The following HEATR4 variants were observed in gnomAD, a reference collection of about 807,000 sequenced individuals.
HEATR4 encodes HEAT repeat-containing protein 4.
In HEATR4, 95 loss-of-function variants were observed where a neutral mutation model predicts 108.8. That is an observed-to-expected ratio of 0.87 (90% confidence interval 0.74 to 1.04). HEATR4 has a LOEUF of 1.04. Among genes scored for constraint, HEATR4 ranks in the 50% least tolerant of loss-of-function variants. The probability of loss-of-function intolerance (pLI) is 0.00; values close to 1 mark genes in which losing one functional copy is unlikely to be tolerated. For missense variants in HEATR4, 1,152 were observed against 1,253.8 expected (o/e 0.92, Z 1.23); for synonymous variants, 443 against 459.4 (o/e 0.96, Z 0.46).
chr14:73,520,945 G>T lies in HEATR4; in HGVS notation c.976C>A (p.Pro326Thr). 6.2e-7 allele frequency: 1 copy of T among 1,613,988 alleles called. No homozygotes were observed. Residue 326 changes from proline to threonine, a missense_variant, in exon 4 of 18, where the codon CCC becomes ACC. By Grantham distance (38) the Pro-to-Thr change is conservative (BLOSUM62 -1). Transcript: ENST00000553558. Reference sequence around the variant, plus strand: ...TGGCGAAAGTAGCTCTGGGTTTGGGGCTGGGAGAGGCTCGTCTTTTCATGG... The same window carrying T: ...TGGCGAAAGTAGCTCTGGGTTTGGGTCTGGGAGAGGCTCGTCTTTTCATGG... ...DIHEKTSLSQ[P>T]QTQSYFRQVT...
chr14:73,525,776 A>C (rs1294043495), intron 2 of HEATR4, among the ~76,000 whole-genome samples: 1 of 152,086 alleles, frequency 6.6e-6, no homozygotes, highest in Non-Finnish European at 1.5e-5. Flanking sequence ...AACATGGAGA[A>C]ACCCCATCTC....
chr14:73,518,981 C>A, intron 5 of HEATR4, 42 bp downstream of exon 5: 1 of 1,575,448 alleles, frequency 6.3e-7, no homozygotes, highest in Non-Finnish European at 8.6e-7. Flanking sequence ...TAGCCACATT[C>A]CCGTTATTAA....
At chr14:73,489,093 G>A (rs1885563717) in intron 17 of HEATR4, among the ~76,000 whole-genome samples, 1 of 150,034 alleles carries the variant, frequency 6.7e-6, no homozygotes, top group Admixed American at 6.6e-5. Flanking sequence ...TAATAAACCA[G>A]GATTTGTCTG....
intron 1 of HEATR4, among the ~76,000 whole-genome samples, chr14:73,533,881 TAAA>T (rs59844752): frequency 4.0e-4 from 15 of 37,964 alleles, no homozygotes; most frequent in Non-Finnish European, 6.0e-4. Flanking sequence ...ACCCTGTCTC[TAAA>T]AAAAAAAAAA....
the HEATR4 span, chr14:73,592,185 G>T: frequency 6.2e-7 from 1 of 1,607,884 alleles, no homozygotes. Flanking sequence ...CGCGGGACTC[G>T]AGCCCATGGG....
At chr14:73,628,821 G>C in the HEATR4 span, among the ~76,000 whole-genome samples, 3 of 152,016 alleles carry the variant, frequency 2.0e-5, no homozygotes, top group Non-Finnish European at 1.5e-5. Context: ...GGAAGCCGAG[G>C]CTGGTGGATG....
the HEATR4 span, among the ~76,000 whole-genome samples, chr14:73,576,793 C>CACAAA: frequency 8.3e-5 from 1 of 12,096 alleles, no homozygotes; most frequent in Non-Finnish European, 1.8e-4. Context: ...GACACAGTCT[C>CACAAA]AAAAAAAAAA....
intron 2 of HEATR4, among the ~76,000 whole-genome samples, chr14:73,525,037 G>A (rs750731227): frequency 5.9e-5 from 9 of 151,528 alleles, no homozygotes; most frequent in Non-Finnish European, 1.2e-4. Context: ...CTTTTGTTTT[G>A]TTTTTTTGAG....
chr14:73,626,789 C>G, the HEATR4 span, among the ~76,000 whole-genome samples: 1 of 82,356 alleles, frequency 1.2e-5, no homozygotes, highest in African/African-American at 6.2e-5. Flanking sequence ...GACAAACAGC[C>G]TTTTTTTTTT....
chr14:73,509,838 A>T (rs1452406698), intron 7 of HEATR4, among the ~76,000 whole-genome samples: 1 of 66,482 alleles, frequency 1.5e-5, no homozygotes, highest in Non-Finnish European at 3.1e-5. Flanking sequence ...ATATATATAT[A>T]TATATATATA....
chr14:73,603,055 A>G, the HEATR4 span, among the ~76,000 whole-genome samples: 4 of 149,706 alleles, frequency 2.7e-5, no homozygotes, highest in African/African-American at 9.7e-5. Flanking sequence ...TCTTAATTGT[A>G]TGTTACAATG....
At position 73,524,310 on chromosome 14, in the gene HEATR4, A is replaced by AAAAAT; in HGVS notation, c.-72-1087_-72-1086insATTTT. Among the ~76,000 whole-genome samples the AAAAAT allele has an allele frequency of 2.2e-3, 122 of 54,778 alleles. 1 individual carries two copies. Among genetic ancestry groups the AAAAAT allele is most frequent in the African/African-American group, 7.0e-3 (79 of 11,344 alleles). 35.9% of individuals were successfully genotyped at this position (54,778 alleles called of 152,430 possible). A position where few individuals can be genotyped will look rare whatever the true frequency, so the allele number is the denominator to read the frequency against. On this transcript the variant is annotated intron_variant, in intron 2 of 17. Transcript: ENST00000553558. ...CTCCGTCTCAAAAAAAAAAAAAAAA[A>AAAAAT]ATATATATATATATATATATATATA...
At chr14:73,621,170 G>A in the HEATR4 span, among the ~76,000 whole-genome samples, 2 of 152,024 alleles carry the variant, frequency 1.3e-5, no homozygotes, top group African/African-American at 4.8e-5. Context: ...CCGAGATCGC[G>A]CCACTGCCCT....
chr14:73,502,978 A>G lies in HEATR4; in HGVS notation c.2022T>C (p.Asn674=). The G allele has an allele frequency of 6.2e-7, 1 of 1,614,024 alleles. No individual in the cohort carries two copies. Among genetic ancestry groups the G allele is most frequent in the Non-Finnish European group, 8.5e-7 (1 of 1,179,978 alleles). The stretch of plus-strand genomic sequence containing the variant: ...CTCTCCTCACTTCCTTATTCCAGTC[A>G]TTCCACATCAGCTGGATCAACTTAT... The part of the protein sequence containing the change: ...MKHKLIQLMW[N]DWNKEVRRAA... Residue 674 remains asparagine, a synonymous_variant, in exon 11 of 18, where the codon AAT becomes AAC. Transcript: ENST00000553558.
rs186641690 is a variant in HEATR4, at chr14:73,544,876, C to T, written c.-152+13875G>A. 3.8e-3 allele frequency among the ~76,000 whole-genome samples: 423 copies of T among 110,122 alleles called. 80 individuals carry two copies. Among genetic ancestry groups the T allele is most frequent in the African/African-American group, 0.012 (405 of 34,018 alleles). The allele number at this position is 110,122 out of a possible 152,430, so 72.2% of individuals were successfully genotyped here. A position where few individuals can be genotyped will look rare whatever the true frequency, so the allele number is the denominator to read the frequency against. On this transcript the variant is annotated intron_variant, in intron 1 of 17. Transcript: ENST00000553558. ...CCTGGAGGCAGAGGTTGCAGTGAGC[C>T]GAGATTGTGCTACTGCGCTCTAGCC... is the stretch of plus-strand genomic sequence containing the variant.
chr14:73,493,045 C>A (rs746306462), intron 17 of HEATR4, 21 bp downstream of exon 17: 2 of 1,591,078 alleles, frequency 1.3e-6, no homozygotes, highest in Non-Finnish European at 1.7e-6. Flanking sequence ...CCTTGATAAG[C>A]ATCAGTGTGC....
At chr14:73,559,321 G>A (rs1378544762), upstream of HEATR4, among the ~76,000 whole-genome samples, 4 of 151,638 alleles carry the variant, frequency 2.6e-5, no homozygotes, top group Admixed American at 1.3e-4. Flanking sequence ...GTTTCACCAT[G>A]TTGGACAGGC....
At chr14:73,588,664 T>C in the HEATR4 span, among the ~76,000 whole-genome samples, 4 of 152,188 alleles carry the variant, frequency 2.6e-5, no homozygotes, top group African/African-American at 9.6e-5. Context: ...AGCCACCTTA[T>C]GATGTTATTA....
intron 17 of HEATR4, chr14:73,491,324 G>C: frequency 6.7e-7 from 1 of 1,499,226 alleles, no homozygotes; most frequent in Non-Finnish European, 8.9e-7. Flanking sequence ...CCTGGGGCCC[G>C]CAGAGCTGCT....
Sources: allele counts gnomAD v4.1 joint callset (sites outside exome capture counted in the v4.1 genomes callset), GRCh38; gene constraint gnomAD v4.1.1; transcripts MANE v1.5; gene names NCBI Gene and HGNC (gene_info 2026-07-23, HGNC 2026-07-21).